MAP2K4: variants seen among roughly 807,000 people sequenced by gnomAD.
MAP2K4 encodes the protein mitogen-activated protein kinase kinase 4.
MAP2K4 carries 4 observed loss-of-function variants against 48.5 expected under a neutral mutation model. The observed-to-expected ratio is 0.08, with a 90% CI of 0.04 to 0.19. MAP2K4 has a LOEUF of 0.19. MAP2K4 is among the 10% of genes least tolerant of loss of function. The probability of loss-of-function intolerance (pLI) is 1.00; values close to 1 mark genes in which losing one functional copy is unlikely to be tolerated. For synonymous variants in MAP2K4, 166 were observed against 173.1 expected, an observed-to-expected ratio of 0.96 and a Z score of 0.32; for missense variants, 258 against 493.3, an observed-to-expected ratio of 0.52 and a Z score of 4.52.
At chr17:12,120,533 T>TA (rs1339284836) in intron 7 of MAP2K4, among the ~76,000 whole-genome samples, 1 of 33,298 alleles carries the variant, frequency 3.0e-5, no homozygotes, top group Non-Finnish European at 1.6e-4. Flanking sequence ...AGCTCCCTCA[T>TA]TCCCCCCCCC....
intron 3 of MAP2K4, among the ~76,000 whole-genome samples, chr17:12,087,638 T>C (rs1036535436): frequency 6.6e-6 from 1 of 151,522 alleles, no homozygotes; most frequent in Non-Finnish European, 1.5e-5. Flanking sequence ...AATTAATTAA[T>C]GGGGCTAAGA....
chr17:12,027,241 G>C (rs1339739844), intron 1 of MAP2K4, among the ~76,000 whole-genome samples: 2 of 152,126 alleles, frequency 1.3e-5, no homozygotes, highest in East Asian at 3.9e-4. Flanking sequence ...CAGTGAAAGG[G>C]AGATGATTAG....
At chr17:12,089,500 C>T (rs931547601) in intron 3 of MAP2K4, among the ~76,000 whole-genome samples, 1 of 152,174 alleles carries the variant, frequency 6.6e-6, no homozygotes, top group African/African-American at 2.4e-5. Context: ...CTGATTTCCT[C>T]TAATGATTGA....
rs375593360 is a variant in MAP2K4 at position 12,110,304 on chromosome 17, G to A, written c.634-71G>A. 216 of 1,030,032 alleles carry A rather than the reference G, an allele frequency of 2.1e-4. 1 individual carries two copies. The African/African-American group carries it at 3.1e-3, about 15-fold the overall frequency. 63.8% of individuals were successfully genotyped at this position (1,030,032 alleles called of 1,614,324 possible). On this transcript the variant is annotated intron_variant, in intron 5 of 10. Coordinates refer to ENST00000353533, the MANE Select transcript of MAP2K4 (RefSeq NM_003010.4). ...CAGAGGACTACACGGGATATTACTT[G>A]TGATAAACTGTTGTGCTGTTTGAAT...
At chr17:12,127,670 T>C (rs1273025061) in intron 8 of MAP2K4, among the ~76,000 whole-genome samples, 1 of 152,256 alleles carries the variant, frequency 6.6e-6, no homozygotes, top group African/African-American at 2.4e-5. Context: ...CAGCCAACTT[T>C]TCCTTCTATT....
chr17:12,124,469 G>A (rs986004278), intron 7 of MAP2K4: 3 of 152,252 alleles, frequency 2.0e-5, no homozygotes, highest in Non-Finnish European at 4.4e-5. Flanking sequence ...TTACACATAT[G>A]TGTAGTGATA....
chr17:12,046,518 G>A (rs1969969147), intron 1 of MAP2K4, among the ~76,000 whole-genome samples: 1 of 152,148 alleles, frequency 6.6e-6, no homozygotes, highest in Admixed American at 6.5e-5. Context: ...TTATATATTT[G>A]CTTGTTGGTA....
In MAP2K4 at chr17:12,141,264, C is replaced by G. The variant is rs201971628; in HGVS notation, c.*4C>G. The G allele has an allele frequency of 2.5e-6, 4 of 1,590,628 alleles. No homozygotes were observed. Among genetic ancestry groups the G allele is most frequent in the Non-Finnish European group, 3.5e-6 (4 of 1,158,712 alleles). ...CTCTCCCATGTATGTCGATTGATAT[C>G]GCTGCTACATCAGACTCTAGAAAAA... is the stretch of plus-strand genomic sequence containing the variant. On this transcript the variant is annotated 3_prime_UTR_variant, in exon 11 of 11. Coordinates refer to ENST00000353533, the MANE Select transcript of MAP2K4 (RefSeq NM_003010.4).
Position 12,143,304 on chromosome 17 carries a change from C to G in MAP2K4, c.*2044C>G, listed in dbSNP as rs1973434282. The G allele has an allele frequency of 8.6e-6, 2 of 232,684 alleles. No individual in the cohort carries two copies. The highest frequency in any genetic ancestry group is 3.6e-4 in the South Asian group (2 of 5,516). 14.4% of individuals were successfully genotyped at this position (232,684 alleles called of 1,614,324 possible). ...CTGTCCAGGAGCTAATCTGACCGTT[C>G]TATTGTGTGGATGACCACATAAGAA... On this transcript the variant is annotated 3_prime_UTR_variant, in exon 11 of 11. Coordinates refer to ENST00000353533, the MANE Select transcript of MAP2K4 (RefSeq NM_003010.4).
chr17:12,046,029 G>A (rs945216434), intron 1 of MAP2K4, among the ~76,000 whole-genome samples: 10 of 152,196 alleles, frequency 6.6e-5, no homozygotes, highest in Admixed American at 5.9e-4. Flanking sequence ...CACATGTATA[G>A]CAATAGTGTT....
chr17:12,059,150 T>C (rs896001484), intron 2 of MAP2K4, among the ~76,000 whole-genome samples: 1 of 152,226 alleles, frequency 6.6e-6, no homozygotes, highest in Admixed American at 6.5e-5. Flanking sequence ...ATAGAGACTC[T>C]TGTACCCACT....
chr17:12,023,462 T>G (rs1370870287), intron 1 of MAP2K4, among the ~76,000 whole-genome samples: 1 of 152,178 alleles, frequency 6.6e-6, no homozygotes, highest in African/African-American at 2.4e-5. Flanking sequence ...AGATGTTTGA[T>G]GTACTTCCAT....
At chr17:12,099,191 C>T (rs1236138630) in intron 4 of MAP2K4, among the ~76,000 whole-genome samples, 2 of 150,622 alleles carry the variant, frequency 1.3e-5, no homozygotes, top group African/African-American at 4.9e-5. Context: ...AGATAATGGC[C>T]TCCAGTGTAT....
chr17:12,066,787 T>C (rs950406760), intron 2 of MAP2K4, among the ~76,000 whole-genome samples: 4 of 152,222 alleles, frequency 2.6e-5, no homozygotes, highest in Non-Finnish European at 5.9e-5. Flanking sequence ...CCTTCCGGGT[T>C]CACGCCATTC....
rs187028261 is a variant in MAP2K4, at chr17:12,038,756, A to G, written c.116-16133A>G. On this transcript the variant is annotated intron_variant, in intron 1 of 10. Coordinates refer to ENST00000353533, the MANE Select transcript of MAP2K4 (RefSeq NM_003010.4). ...GTAGGTATAATAGTTAATATAGATG[A>G]GGAAACTGAAGCACAGAGAGGTTAA... Among the ~76,000 whole-genome samples the G allele has an allele frequency of 3.9e-5, 6 of 152,332 alleles. No individual in the cohort carries two copies. The East Asian group carries it at 1.2e-3, about 29-fold the overall frequency.
chr17:12,101,792 G>C (rs556738187), intron 4 of MAP2K4, among the ~76,000 whole-genome samples: 1 of 151,888 alleles, frequency 6.6e-6, no homozygotes, highest in Non-Finnish European at 1.5e-5. Context: ...ATGCTAATAC[G>C]TATTTTTAAA....
At chr17:12,029,173 G>A (rs139856191) in intron 1 of MAP2K4, among the ~76,000 whole-genome samples, 30 of 152,180 alleles carry the variant, frequency 2.0e-4, no homozygotes, top group African/African-American at 6.3e-4. Flanking sequence ...GAGGTAAGAG[G>A]GTGAGAATGA....
chr17:12,129,091 G>T, intron 8 of MAP2K4, 48 bp from the exon 9 acceptor site: 1 of 1,599,252 alleles, frequency 6.3e-7, no homozygotes, highest in Non-Finnish European at 8.5e-7. Context: ...GTGGGGAGTA[G>T]TAAATGATGC....
rs950071874 is a variant in MAP2K4, at chr17:12,066,720, C to T, written c.218+11729C>T. ...ATTTTTTTTTTTTGAGACGGAGTCTCGTTCTGTCGCCCAGGCGGGAGTGCT... is the reference window on the plus strand; with the variant it reads ...ATTTTTTTTTTTTGAGACGGAGTCTTGTTCTGTCGCCCAGGCGGGAGTGCT... On this transcript the variant is annotated intron_variant, in intron 2 of 10. Transcript: ENST00000353533. 4.6e-5 allele frequency among the ~76,000 whole-genome samples: 7 copies of T among 152,152 alleles called. No homozygotes were observed. In the South Asian group the frequency reaches 1.2e-3, roughly 27 times the overall value.
Sources: allele counts gnomAD v4.1 joint callset (sites outside exome capture counted in the v4.1 genomes callset), GRCh38; gene constraint gnomAD v4.1.1; transcripts MANE v1.5; gene names NCBI Gene and HGNC (gene_info 2026-07-23, HGNC 2026-07-21).